Variants in FGF2 observed in about 807,000 individuals in gnomAD.
The protein encoded by FGF2 is fibroblast growth factor 2, also known as basic fibroblast growth factor bFGF.
Under a neutral mutation model 15.9 loss-of-function variants are expected in FGF2, and 13 were observed. The ratio of observed to expected loss-of-function variants is 0.82; its 90% confidence interval spans 0.53 to 1.30. The LOEUF (loss-of-function observed/expected upper bound fraction) is 1.30, where lower values mean the gene tolerates loss of function less well. Ranked by LOEUF, FGF2 falls within the 50% of genes most tolerant of loss-of-function variation. FGF2 has a pLI of 0.00. For synonymous variants in FGF2, 90 were observed against 78.4 expected, an observed-to-expected ratio of 1.15 and a Z score of -0.78; for missense variants, 163 against 196.9, an observed-to-expected ratio of 0.83 and a Z score of 1.03.
intron 2 of FGF2, chr4:122,890,186 C>A (rs1453251219): frequency 6.6e-6 from 1 of 152,042 alleles, no homozygotes; most frequent in Non-Finnish European, 1.5e-5. Flanking sequence ...GAGAGGGGTA[C>A]TAAATTTCAC....
intron 1 of FGF2, among the ~76,000 whole-genome samples, chr4:122,875,843 G>C (rs182234941): frequency 7.2e-5 from 11 of 152,268 alleles, no homozygotes; most frequent in Middle Eastern, 3.4e-3. Flanking sequence ...TTATAACAGT[G>C]AATAACTAGA....
chr4:122,827,570 G>T lies in FGF2; in HGVS notation c.178+218G>T, dbSNP rs936364529. Among the ~76,000 whole-genome samples the T allele has an allele frequency of 6.6e-6, 1 of 152,042 alleles. No individual in the cohort carries two copies. Among genetic ancestry groups the T allele is most frequent in the African/African-American group, 2.4e-5 (1 of 41,408 alleles). On this transcript the variant is annotated intron_variant, in intron 1 of 2. Transcript: ENST00000644866. This position sits in a 1 kb window ranked among gnomAD's most constrained non-coding sequence, Gnocchi z 4.2. ...GGGTGTCCCCTGGGCTTTGGGGTGTGCCAATTTGCCCTGTAAACCAGTACC... is the reference window on the plus strand; with the variant it reads ...GGGTGTCCCCTGGGCTTTGGGGTGTTCCAATTTGCCCTGTAAACCAGTACC...
intron 1 of FGF2, among the ~76,000 whole-genome samples, chr4:122,846,718 G>GA (rs773000871): frequency 3.9e-4 from 60 of 152,306 alleles, no homozygotes; most frequent in Non-Finnish European, 8.7e-4. Flanking sequence ...ATGTATTTGT[G>GA]AATTTTTTAA....
At chr4:122,833,363 C>T (rs895060936) in intron 1 of FGF2, among the ~76,000 whole-genome samples, 10 of 152,116 alleles carry the variant, frequency 6.6e-5, no homozygotes, top group Admixed American at 2.6e-4. Flanking sequence ...GTGTATGTTC[C>T]AGATATAATT....
At chr4:122,859,704 G>T (rs1563705) in intron 1 of FGF2, among the ~76,000 whole-genome samples, 6,679 of 151,884 alleles carry the variant, frequency 0.044, 161 homozygotes, top group Middle Eastern at 0.061. Flanking sequence ...GTTTCCCATC[G>T]TACAGGTGAG....
chr4:122,826,876 G>A lies in FGF2; in HGVS notation c.-299G>A. 9.8e-6 allele frequency: 15 copies of A among 1,525,718 alleles called. No individual in the cohort carries two copies. Among genetic ancestry groups the A allele is most frequent in the Non-Finnish European group, 1.3e-5 (15 of 1,139,140 alleles). The allele number at this position is 1,525,718 out of a possible 1,614,324, so 94.5% of individuals were successfully genotyped here. A position where few individuals can be genotyped will look rare whatever the true frequency, so the allele number is the denominator to read the frequency against. ...GCCCGCGGTTGCAACGGGATCCCGG[G>A]CGCTGCAGCTTGGGAGGCGGCTCTC... On this transcript the variant is annotated 5_prime_UTR_variant, in exon 1 of 3. Coordinates refer to ENST00000644866, the MANE Select transcript of FGF2 (RefSeq NM_001361665.2).
chr4:122,886,858 A>G (rs1560758359), intron 2 of FGF2, among the ~76,000 whole-genome samples: 1 of 152,166 alleles, frequency 6.6e-6, no homozygotes, highest in Non-Finnish European at 1.5e-5. Context: ...AGAGAATGGT[A>G]TTAGAAACCA....
intron 1 of FGF2, among the ~76,000 whole-genome samples, chr4:122,868,204 C>G (rs1726646065): frequency 1.3e-5 from 2 of 152,122 alleles, no homozygotes; most frequent in Admixed American, 1.3e-4. Flanking sequence ...AGAACGTGCA[C>G]ATAGGTATAC....
Position 122,895,390 on chromosome 4 carries a change from G to T in FGF2, c.*2994G>T, listed in dbSNP as rs1396933362. 1.3e-5 allele frequency: 2 copies of T among 152,114 alleles called. No individual in the cohort carries two copies. The highest frequency in any genetic ancestry group is 2.9e-5 in the Non-Finnish European group (2 of 68,006). 9.4% of individuals were successfully genotyped at this position (152,114 alleles called of 1,614,324 possible). On this transcript the variant is annotated 3_prime_UTR_variant, in exon 3 of 3. Coordinates refer to ENST00000644866, the MANE Select transcript of FGF2 (RefSeq NM_001361665.2). ...TTTAGTTACAGGACAATAATGAAAT[G>T]GAGTTTATATTTGTTATTTCTATTT...
At chr4:122,851,244 C>T (rs890597169) in intron 1 of FGF2, among the ~76,000 whole-genome samples, 2 of 152,130 alleles carry the variant, frequency 1.3e-5, no homozygotes, top group Non-Finnish European at 2.9e-5. Flanking sequence ...TGCTGGGTAA[C>T]TTTAAGGCAA....
Position 122,895,044 on chromosome 4 carries a change from G to C in FGF2, c.*2648G>C, listed in dbSNP as rs915003139. 2 of 152,318 alleles carry C rather than the reference G, an allele frequency of 1.3e-5. No individual in the cohort carries two copies. Among genetic ancestry groups the C allele is most frequent in the East Asian group, 3.9e-4 (2 of 5,188 alleles). The allele number at this position is 152,318 out of a possible 1,614,324, so 9.4% of individuals were successfully genotyped here. A position where few individuals can be genotyped will look rare whatever the true frequency, so the allele number is the denominator to read the frequency against. On this transcript the variant is annotated 3_prime_UTR_variant, in exon 3 of 3. Transcript: ENST00000644866. Reference sequence around the variant, plus strand: ...CTGACTGAAAATCAGCACTGCCTGAGTAGTTTTGATCAGTTTAACTTGAAT... The same window carrying C: ...CTGACTGAAAATCAGCACTGCCTGACTAGTTTTGATCAGTTTAACTTGAAT...
rs147162439 is a variant in FGF2, at chr4:122,855,667, C to G, written c.179-20654C>G. On this transcript the variant is annotated intron_variant, in intron 1 of 2. Transcript: ENST00000644866. The stretch of plus-strand genomic sequence containing the variant: ...TTCTCATAAGTAGTGCAGATGGTGC[C>G]CTAGGAGCTGATGAGCTTCCTGTTT... Among the ~76,000 whole-genome samples the G allele has an allele frequency of 3.6e-3, 546 of 152,276 alleles. 6 individuals are homozygous for G. The highest frequency in any genetic ancestry group is 0.013 in the African/African-American group (521 of 41,548).
Position 122,895,292 on chromosome 4 carries a change from T to A in FGF2, c.*2896T>A, listed in dbSNP as rs2150796743. ...TGCTGTTTTATAGGTTTGAAGAACATAGGAAAAACTAAGAGGTTTTGTTTT... is the reference window on the plus strand; with the variant it reads ...TGCTGTTTTATAGGTTTGAAGAACAAAGGAAAAACTAAGAGGTTTTGTTTT... On this transcript the variant is annotated 3_prime_UTR_variant, in exon 3 of 3. Coordinates refer to ENST00000644866, the MANE Select transcript of FGF2 (RefSeq NM_001361665.2). 6.6e-6 allele frequency: 1 copy of A among 152,328 alleles called. No homozygotes were observed. Among genetic ancestry groups the A allele is most frequent in the South Asian group, 2.1e-4 (1 of 4,832 alleles). 9.4% of individuals were successfully genotyped at this position (152,328 alleles called of 1,614,324 possible).
At position 122,856,676 on chromosome 4, in the gene FGF2, A is replaced by G. The variant is rs567030892; in HGVS notation, c.179-19645A>G. 3.9e-5 allele frequency among the ~76,000 whole-genome samples: 6 copies of G among 152,372 alleles called. 1 individual carries two copies. In the East Asian group the frequency reaches 1.2e-3, roughly 29 times the overall value. On this transcript the variant is annotated intron_variant, in intron 1 of 2. Coordinates refer to ENST00000644866, the MANE Select transcript of FGF2 (RefSeq NM_001361665.2). ...TAGATTCATTCACATGCAGTTGTAA[A>G]AAGATAATACAGGCAGATTCCTTGT...
At chr4:122,845,437 C>T (rs1040508581) in intron 1 of FGF2, among the ~76,000 whole-genome samples, 1 of 152,204 alleles carries the variant, frequency 6.6e-6, no homozygotes, top group Non-Finnish European at 1.5e-5. Context: ...GTTGACTTCT[C>T]CTCTCTAGCT....
intron 1 of FGF2, among the ~76,000 whole-genome samples, chr4:122,838,054 T>C (rs1441839467): frequency 6.6e-6 from 1 of 152,222 alleles, no homozygotes; most frequent in African/African-American, 2.4e-5. Flanking sequence ...TTTTGTTAAC[T>C]GTTTTAATTG....
intron 1 of FGF2, among the ~76,000 whole-genome samples, chr4:122,846,405 C>T (rs149560717): frequency 2.0e-5 from 3 of 152,290 alleles, no homozygotes; most frequent in East Asian, 1.9e-4. Context: ...TTTTAAAAAT[C>T]ATAGTATCTG....
chr4:122,864,029 T>C (rs72672978), intron 1 of FGF2, among the ~76,000 whole-genome samples: 3,313 of 152,336 alleles, frequency 0.022, 60 homozygotes, highest in Non-Finnish European at 0.036. Flanking sequence ...CAATTGATTA[T>C]GGACTTTAAT....
At chr4:122,870,887 C>T (rs1249116254) in intron 1 of FGF2, among the ~76,000 whole-genome samples, 2 of 151,594 alleles carry the variant, frequency 1.3e-5, no homozygotes, top group Non-Finnish European at 2.9e-5. Flanking sequence ...TTTGTTCTTC[C>T]CTCTTTAGCT....
Sources: allele counts gnomAD v4.1 joint callset (sites outside exome capture counted in the v4.1 genomes callset), GRCh38; gene constraint gnomAD v4.1.1; non-coding constraint Gnocchi (gnomAD v3.1); transcripts MANE v1.5; gene names NCBI Gene and HGNC (gene_info 2026-07-23, HGNC 2026-07-21).